Variants in LYPD6 observed in about 807,000 individuals in gnomAD.
The protein encoded by LYPD6 is ly6/PLAUR domain-containing protein 6.
Under a neutral mutation model 22.7 loss-of-function variants are expected in LYPD6, and 15 were observed. That is an observed-to-expected ratio of 0.66 (90% confidence interval 0.44 to 1.02). The LOEUF (loss-of-function observed/expected upper bound fraction) is 1.02, where lower values mean the gene tolerates loss of function less well. Ranked by LOEUF, LYPD6 falls within the 50% of genes least tolerant of loss-of-function variation. LYPD6 has a pLI of 0.00. For synonymous variants in LYPD6, 72 were observed against 77.5 expected, an observed-to-expected ratio of 0.93 and a Z score of 0.37; for missense variants, 189 against 208.4, an observed-to-expected ratio of 0.91 and a Z score of 0.57.
intron 1 of LYPD6, among the ~76,000 whole-genome samples, chr2:149,332,270 C>A (rs573873851): frequency 3.9e-5 from 6 of 152,216 alleles, no homozygotes; most frequent in African/African-American, 1.4e-4. Flanking sequence ...TGTAGGCACA[C>A]AAAGCTTGTT....
chr2:149,481,111 A>G, the LYPD6 span, among the ~76,000 whole-genome samples: 1 of 152,314 alleles, frequency 6.6e-6, no homozygotes, highest in African/African-American at 2.4e-5. Flanking sequence ...CTATAGCAAT[A>G]CATATTCCCA....
At chr2:149,353,981 T>C (rs1681405764) in intron 1 of LYPD6, among the ~76,000 whole-genome samples, 1 of 152,098 alleles carries the variant, frequency 6.6e-6, no homozygotes, top group African/African-American at 2.4e-5. Context: ...GAGTGTGAAT[T>C]TAGCAGTGTG....
At chr2:149,432,122 G>A (rs1683327236) in intron 1 of LYPD6, among the ~76,000 whole-genome samples, 1 of 152,156 alleles carries the variant, frequency 6.6e-6, no homozygotes, top group Non-Finnish European at 1.5e-5. Flanking sequence ...TGTTGGTGAG[G>A]ATGTGGGGAA....
chr2:149,390,208 T>G (rs1682277930), intron 1 of LYPD6, among the ~76,000 whole-genome samples: 2 of 152,334 alleles, frequency 1.3e-5, no homozygotes, highest in East Asian at 1.9e-4. Flanking sequence ...TCTTTAACCA[T>G]GCAATGGTTA....
intron 1 of LYPD6, among the ~76,000 whole-genome samples, chr2:149,399,083 T>C (rs1387187240): frequency 2.6e-5 from 4 of 151,882 alleles, no homozygotes; most frequent in Non-Finnish European, 4.4e-5. Context: ...GAATGGAGAA[T>C]GAAGAGGAAG....
At chr2:149,407,249 C>G (rs546841670) in intron 1 of LYPD6, among the ~76,000 whole-genome samples, 4 of 152,102 alleles carry the variant, frequency 2.6e-5, no homozygotes, top group Admixed American at 2.6e-4. Flanking sequence ...TTGTGGCGTT[C>G]TCTGTATTTC....
the LYPD6 span, among the ~76,000 whole-genome samples, chr2:149,486,086 T>C: frequency 2.3e-3 from 347 of 152,354 alleles, 2 homozygotes; most frequent in African/African-American, 7.7e-3. Context: ...GTATTCATTA[T>C]TATATTACAC....
intron 1 of LYPD6, among the ~76,000 whole-genome samples, chr2:149,332,540 T>C (rs762206763): frequency 6.6e-6 from 1 of 152,238 alleles, no homozygotes; most frequent in Non-Finnish European, 1.5e-5. Context: ...ATCATATCTT[T>C]ATCATCCCCA....
At chr2:149,433,549 G>A (rs1683363691) in intron 1 of LYPD6, among the ~76,000 whole-genome samples, 1 of 152,176 alleles carries the variant, frequency 6.6e-6, no homozygotes, top group African/African-American at 2.4e-5. Flanking sequence ...TTTCTCATGA[G>A]GCACCCTGCT....
intron 3 of LYPD6, among the ~76,000 whole-genome samples, chr2:149,450,081 A>G (rs1683774182): frequency 6.6e-6 from 1 of 152,190 alleles, no homozygotes. Context: ...CCAAGCTAGT[A>G]CTCTAACCCA....
intron 2 of LYPD6, among the ~76,000 whole-genome samples, chr2:149,444,475 A>G (rs1683638284): frequency 6.6e-6 from 1 of 152,210 alleles, no homozygotes; most frequent in South Asian, 2.1e-4. Context: ...TCTCAGTAGC[A>G]TGTGATGCTG....
rs1681779169 is a variant in LYPD6 at position 149,370,326 on chromosome 2, G to C, written c.-72+39604G>C. On this transcript the variant is annotated intron_variant, in intron 1 of 4. Coordinates refer to ENST00000334166, the MANE Select transcript of LYPD6 (RefSeq NM_194317.5). ...CTGAAGTAAATGCTCCTGTGTTCCT[G>C]CTGTGGTCTGTGTTCCTCCAGAATC... 3.3e-5 allele frequency among the ~76,000 whole-genome samples: 5 copies of C among 152,052 alleles called. No homozygotes were observed. In the South Asian group the frequency reaches 1.0e-3, roughly 32 times the overall value.
At chr2:149,418,311 T>C (rs528078605) in intron 1 of LYPD6, among the ~76,000 whole-genome samples, 1 of 152,292 alleles carries the variant, frequency 6.6e-6, no homozygotes, top group African/African-American at 2.4e-5. Context: ...ATTCGATCAT[T>C]TCCTTTTTTT....
chr2:149,335,516 T>A (rs1254004695), intron 1 of LYPD6, among the ~76,000 whole-genome samples: 1 of 152,120 alleles, frequency 6.6e-6, no homozygotes, highest in African/African-American at 2.4e-5. Flanking sequence ...AATAAAAAAA[T>A]TACAGTAAAC....
chr2:149,371,527 A>G (rs1681809393), intron 1 of LYPD6, among the ~76,000 whole-genome samples: 1 of 152,210 alleles, frequency 6.6e-6, no homozygotes, highest in Non-Finnish European at 1.5e-5. Context: ...ACCCAAGTTA[A>G]TTTATGTTTC....
chr2:149,362,431 T>C (rs1681589404), intron 1 of LYPD6, among the ~76,000 whole-genome samples: 1 of 152,084 alleles, frequency 6.6e-6, no homozygotes, highest in Non-Finnish European at 1.5e-5. Flanking sequence ...TGTGGAGAAA[T>C]ATGATGGGAT....
intron 1 of LYPD6, among the ~76,000 whole-genome samples, chr2:149,358,487 G>A (rs1681510865): frequency 6.6e-6 from 1 of 152,090 alleles, no homozygotes; most frequent in Admixed American, 6.6e-5. Flanking sequence ...CCCAGAGAGG[G>A]CCAGAAAGAA....
intron 1 of LYPD6, among the ~76,000 whole-genome samples, chr2:149,412,270 TG>T (rs1682868345): frequency 6.6e-6 from 1 of 152,220 alleles, no homozygotes. Flanking sequence ...ATTTTATGGG[TG>T]TAGAAATCGA....
rs1161687745 is a variant in LYPD6, at chr2:149,341,020, C to T, written c.-72+10298C>T. On this transcript the variant is annotated intron_variant, in intron 1 of 4. Coordinates refer to ENST00000334166, the MANE Select transcript of LYPD6 (RefSeq NM_194317.5). The stretch of plus-strand genomic sequence containing the variant: ...CTAAAAATATTGCCATTTAAAAATA[C>T]TGACTTTAATAGAAGTAATATCCTG... Among the ~76,000 whole-genome samples, 3 of 152,108 alleles carry T rather than the reference C, an allele frequency of 2.0e-5. No individual in the cohort carries two copies. The South Asian group carries it at 6.2e-4, about 31-fold the overall frequency.
Sources: allele counts gnomAD v4.1 joint callset (sites outside exome capture counted in the v4.1 genomes callset), GRCh38; gene constraint gnomAD v4.1.1; transcripts MANE v1.5; gene names NCBI Gene and HGNC (gene_info 2026-07-23, HGNC 2026-07-21).